TOP1: variants seen among roughly 807,000 people sequenced by gnomAD.
The protein encoded by TOP1 is DNA topoisomerase I.
In TOP1, 10 loss-of-function variants were observed where a neutral mutation model predicts 111.1. The ratio of observed to expected loss-of-function variants is 0.09; its 90% CI spans 0.06 to 0.15. TOP1 has a LOEUF of 0.15. Among genes scored for constraint, TOP1 ranks in the 10% least tolerant of loss-of-function variants. The pLI is 1.00. For missense variants in TOP1, 474 were observed against 926.7 expected, an observed-to-expected ratio of 0.51 and a Z score of 6.34; for synonymous variants, 271 against 302.9, an observed-to-expected ratio of 0.89 and a Z score of 1.10.
At chr20:41,091,075 T>C (rs1007227285) in intron 8 of TOP1, among the ~76,000 whole-genome samples, 2 of 152,260 alleles carry the variant, frequency 1.3e-5, no homozygotes, top group African/African-American at 4.8e-5. Flanking sequence ...CATTTGACCA[T>C]ATATGTTGAC....
In TOP1 at chr20:41,080,011, T is replaced by G; in HGVS notation, c.336-74T>G. On this transcript the variant is annotated intron_variant, in intron 5 of 20. Coordinates refer to ENST00000361337, the MANE Select transcript of TOP1 (RefSeq NM_003286.4). This position sits in a 1 kb window ranked among gnomAD's most constrained non-coding sequence, Gnocchi z 5.0. ...TTCTGTTAGCTTCTTTTCAACGAAA[T>G]GACATATTCCTTCTTTGTATTAATA... The G allele has an allele frequency of 1.1e-6, 1 of 891,876 alleles. No homozygotes were observed. Among genetic ancestry groups the G allele is most frequent in the Non-Finnish European group, 1.8e-6 (1 of 550,440 alleles). 55.2% of individuals were successfully genotyped at this position (891,876 alleles called of 1,614,324 possible). A position where few individuals can be genotyped will look rare whatever the true frequency, so the allele number is the denominator to read the frequency against.
chr20:41,096,864 G>T (rs2033990245), intron 9 of TOP1, among the ~76,000 whole-genome samples: 1 of 152,098 alleles, frequency 6.6e-6, no homozygotes, highest in Non-Finnish European at 1.5e-5. Context: ...TCCCTCTGAG[G>T]ATTTGATTTT....
intron 3 of TOP1, chr20:41,072,989 T>A: frequency 1.0e-6 from 1 of 985,286 alleles, no homozygotes; most frequent in Non-Finnish European, 1.2e-6. Flanking sequence ...TACAAAGGGG[T>A]TTACTACTCT....
chr20:41,101,452 A>G lies in TOP1; in HGVS notation c.1308+99A>G. The stretch of plus-strand genomic sequence containing the variant: ...TCCTCTAGAATCACTTTGACAAATT[A>G]AAAATCCTCCCCATTGAAAGAAGGC... On this transcript the variant is annotated intron_variant, in intron 13 of 20. Transcript: ENST00000361337. The surrounding 1 kb of genome is among the most constrained non-coding windows in gnomAD (Gnocchi z 4.1). 7.7e-7 allele frequency: 1 copy of G among 1,297,626 alleles called. No individual in the cohort carries two copies. Among genetic ancestry groups the G allele is most frequent in the Non-Finnish European group, 1.0e-6 (1 of 957,750 alleles). The allele number at this position is 1,297,626 out of a possible 1,614,324, so 80.4% of individuals were successfully genotyped here. A position where few individuals can be genotyped will look rare whatever the true frequency, so the allele number is the denominator to read the frequency against.
At chr20:41,056,399 A>G (rs899547769) in intron 2 of TOP1, among the ~76,000 whole-genome samples, 5 of 152,206 alleles carry the variant, frequency 3.3e-5, no homozygotes, top group African/African-American at 1.2e-4. Context: ...TATATAATAC[A>G]ATATAATAGT....
At chr20:41,035,805 T>C (rs1358227049) in intron 2 of TOP1, among the ~76,000 whole-genome samples, 1 of 152,214 alleles carries the variant, frequency 6.6e-6, no homozygotes, top group East Asian at 1.9e-4. Flanking sequence ...CATATATGTA[T>C]GAATGCCCAG....
At chr20:41,111,840 T>C (rs2034247170) in intron 13 of TOP1, among the ~76,000 whole-genome samples, 1 of 152,170 alleles carries the variant, frequency 6.6e-6, no homozygotes, top group Non-Finnish European at 1.5e-5. Flanking sequence ...TTATGCTGTT[T>C]TATGTAATTC....
intron 8 of TOP1, among the ~76,000 whole-genome samples, chr20:41,084,774 TCCA>T (rs2033828051): frequency 6.6e-6 from 1 of 152,212 alleles, no homozygotes; most frequent in South Asian, 2.1e-4. Flanking sequence ...CAAACTGGTT[TCCA>T]CCACTGTGAA....
rs562150409 is a variant in TOP1, at chr20:41,123,166, TCC to T, written c.2196-23_2196-22del. On this transcript the variant is annotated intron_variant, in intron 20 of 20. Transcript: ENST00000361337. This position sits in a 1 kb window ranked among gnomAD's most constrained non-coding sequence, Gnocchi z 5.8. ...ATGGGCCATTGCTGAGTCACCCTAA[TCC>T]CCCCCTTATTTCTCCTTTGTTTGCA... 1.3e-6 allele frequency: 2 copies of T among 1,533,852 alleles called. No individual in the cohort carries two copies. The highest frequency in any genetic ancestry group is 3.3e-5 in the Admixed American group (2 of 59,774).
intron 2 of TOP1, among the ~76,000 whole-genome samples, chr20:41,059,978 T>A (rs907904618): frequency 2.0e-5 from 3 of 152,186 alleles, no homozygotes; most frequent in African/African-American, 4.8e-5. Flanking sequence ...GAAACCACAG[T>A]GAGGTACCAC....
At chr20:41,065,273 A>C (rs1315518295) in intron 3 of TOP1, among the ~76,000 whole-genome samples, 1 of 152,144 alleles carries the variant, frequency 6.6e-6, no homozygotes, top group African/African-American at 2.4e-5. Context: ...TTACTAGTCT[A>C]TATTTATTGA....
In TOP1 at chr20:41,115,250, G is replaced by A; in HGVS notation, c.1639-121G>A. ...GGTAAAATGTTAACAGTGAATCTCGGTGACGGATGTATGCGTGTTCCTTGT... is the reference window on the plus strand; with the variant it reads ...GGTAAAATGTTAACAGTGAATCTCGATGACGGATGTATGCGTGTTCCTTGT... On this transcript the variant is annotated intron_variant, in intron 15 of 20. Coordinates refer to ENST00000361337, the MANE Select transcript of TOP1 (RefSeq NM_003286.4). This position sits in a 1 kb window ranked among gnomAD's most constrained non-coding sequence, Gnocchi z 6.3. The A allele has an allele frequency of 1.6e-6, 1 of 638,682 alleles. No individual in the cohort carries two copies. Among genetic ancestry groups the A allele is most frequent in the South Asian group, 1.8e-5 (1 of 54,546 alleles). The allele number at this position is 638,682 out of a possible 1,614,324, so 39.6% of individuals were successfully genotyped here.
At position 41,052,788 on chromosome 20, in the gene TOP1, C is replaced by T. The variant is rs777303036; in HGVS notation, c.59-8606C>T. 2.6e-5 allele frequency among the ~76,000 whole-genome samples: 4 copies of T among 152,072 alleles called. No homozygotes were observed. The East Asian group carries it at 7.7e-4, about 29-fold the overall frequency. The stretch of plus-strand genomic sequence containing the variant: ...GGTATATCACTTGAGGTCAGGAGTT[C>T]GAGACCAGCCTGGTAAACATGCTGA... On this transcript the variant is annotated intron_variant, in intron 2 of 20. Transcript: ENST00000361337.
At chr20:41,056,846 G>C (rs1307058426) in intron 2 of TOP1, among the ~76,000 whole-genome samples, 1 of 152,106 alleles carries the variant, frequency 6.6e-6, no homozygotes, top group Non-Finnish European at 1.5e-5. Context: ...GTATCAATGA[G>C]ATTAATGAGC....
Position 41,061,687 on chromosome 20 carries a change from A to G in TOP1, c.155+197A>G, listed in dbSNP as rs1014052043. ...GATGCCATTGTTCAGATCAAGATGT[A>G]TAAAGCAAGTATGTTTAATTTTCTT... On this transcript the variant is annotated intron_variant, in intron 3 of 20. Coordinates refer to ENST00000361337, the MANE Select transcript of TOP1 (RefSeq NM_003286.4). This position sits in a 1 kb window ranked among gnomAD's most constrained non-coding sequence, Gnocchi z 4.6. Among the ~76,000 whole-genome samples, 1 of 152,220 alleles carries G rather than the reference A, an allele frequency of 6.6e-6. No individual in the cohort carries two copies. Among genetic ancestry groups the G allele is most frequent in the Non-Finnish European group, 1.5e-5 (1 of 68,032 alleles).
chr20:41,105,959 C>G (rs2034138846), intron 13 of TOP1, among the ~76,000 whole-genome samples: 1 of 151,788 alleles, frequency 6.6e-6, no homozygotes, highest in Non-Finnish European at 1.5e-5. Context: ...CATCATTACT[C>G]TCCTCCTCCC....
rs2034062069 is a variant in TOP1 at position 41,101,387 on chromosome 20, G to GGA, written c.1308+35_1308+36insAG. ...ATAGTTGAGAGCTGCACTGGTTCAT[G>GGA]GTGCTGATAACCTTTTTTTGTTGAA... On this transcript the variant is annotated intron_variant, in intron 13 of 20. Coordinates refer to ENST00000361337, the MANE Select transcript of TOP1 (RefSeq NM_003286.4). The surrounding 1 kb of genome is among the most constrained non-coding windows in gnomAD (Gnocchi z 4.1). The GGA allele has an allele frequency of 6.3e-7, 1 of 1,592,086 alleles. No individual in the cohort carries two copies. The highest frequency in any genetic ancestry group is 1.1e-5 in the South Asian group (1 of 89,586).
At position 41,030,110 on chromosome 20, in the gene TOP1, A is replaced by G. The variant is rs1312390276; in HGVS notation, c.58+655A>G. Among the ~76,000 whole-genome samples, 1 of 151,980 alleles carries G rather than the reference A, an allele frequency of 6.6e-6. No individual in the cohort carries two copies. On this transcript the variant is annotated intron_variant, in intron 2 of 20. Transcript: ENST00000361337. This position sits in a 1 kb window ranked among gnomAD's most constrained non-coding sequence, Gnocchi z 4.1. ...GCTTTGTGGAGTTCTTTATATTTCC[A>G]GGTTGTTTTTCCCAAGTTACGTTCT...
At chr20:41,074,176 T>C (rs898467534) in intron 3 of TOP1, among the ~76,000 whole-genome samples, 4 of 152,032 alleles carry the variant, frequency 2.6e-5, no homozygotes, top group Middle Eastern at 3.4e-3. Context: ...GCTAATGCAA[T>C]TGGAAGACTT....
Sources: allele counts gnomAD v4.1 joint callset (sites outside exome capture counted in the v4.1 genomes callset), GRCh38; gene constraint gnomAD v4.1.1; non-coding constraint Gnocchi (gnomAD v3.1); transcripts MANE v1.5; gene names NCBI Gene and HGNC (gene_info 2026-07-23, HGNC 2026-07-21).